Variants in GRM1 observed in about 807,000 individuals in gnomAD.
GRM1 encodes metabotropic glutamate receptor 1.
A neutral mutation model predicts 90.9 loss-of-function variants in GRM1; 33 were observed. The observed-to-expected ratio is 0.36, with a 90% CI of 0.28 to 0.49. GRM1 has a LOEUF of 0.49. Ranked by LOEUF, GRM1 falls within the 20% of genes least tolerant of loss-of-function variation. The pLI, the probability that GRM1 is intolerant of heterozygous loss-of-function variation, is 0.99. For missense variants in GRM1, 1,190 were observed against 1,534.3 expected (o/e 0.78, Z 3.75); for synonymous variants, 700 against 613.2 (o/e 1.14, Z -2.09).
chr6:146,039,886 C>A (rs763043253), intron 1 of GRM1, among the ~76,000 whole-genome samples: 1 of 151,918 alleles, frequency 6.6e-6, no homozygotes, highest in Non-Finnish European at 1.5e-5. Flanking sequence ...AAAGAGAAAT[C>A]GCAGACTGGG....
chr6:146,116,409 A>T (rs1401810827), intron 1 of GRM1, among the ~76,000 whole-genome samples: 1 of 152,218 alleles, frequency 6.6e-6, no homozygotes, highest in Non-Finnish European at 1.5e-5. Context: ...TCATATTAAT[A>T]CATTTTTAAT....
At chr6:146,292,746 C>A (rs1202946003) in intron 2 of GRM1, among the ~76,000 whole-genome samples, 1 of 151,752 alleles carries the variant, frequency 6.6e-6, no homozygotes, top group Non-Finnish European at 1.5e-5. Flanking sequence ...ACCATATGAC[C>A]CAGCATTTTC....
intron 2 of GRM1, among the ~76,000 whole-genome samples, chr6:146,219,088 AT>A (rs1330686440): frequency 6.6e-6 from 1 of 152,136 alleles, no homozygotes; most frequent in African/African-American, 2.4e-5. Context: ...AAAGCTTTAG[AT>A]TTTCTTTGCA....
intron 1 of GRM1, among the ~76,000 whole-genome samples, chr6:146,107,842 A>C (rs1019614507): frequency 6.6e-6 from 1 of 152,048 alleles, no homozygotes; most frequent in Non-Finnish European, 1.5e-5. Context: ...TTCCCTCCTT[A>C]TAGTTCTCTC....
chr6:146,187,231 G>A (rs1222116457), intron 2 of GRM1, among the ~76,000 whole-genome samples: 2 of 151,836 alleles, frequency 1.3e-5, no homozygotes, highest in East Asian at 3.9e-4. Flanking sequence ...ATGTCTGTAG[G>A]GCTAGAATAT....
chr6:146,368,034 A>G (rs1051079417), intron 5 of GRM1, among the ~76,000 whole-genome samples: 3 of 151,792 alleles, frequency 2.0e-5, no homozygotes, highest in African/African-American at 7.3e-5. Flanking sequence ...GTCCTCTTCA[A>G]TTTCTTTCAT....
chr6:146,334,380 G>A (rs1250439096), intron 3 of GRM1, among the ~76,000 whole-genome samples: 1 of 152,106 alleles, frequency 6.6e-6, no homozygotes, highest in African/African-American at 2.4e-5. Context: ...ACTTCTCTGT[G>A]CCTATTTCCT....
chr6:146,425,459 T>C (rs1778162747), intron 7 of GRM1, among the ~76,000 whole-genome samples: 2 of 152,198 alleles, frequency 1.3e-5, no homozygotes, highest in African/African-American at 2.4e-5. Flanking sequence ...GAAAAAGAGA[T>C]AGAAGAGAAG....
intron 1 of GRM1, among the ~76,000 whole-genome samples, chr6:146,098,724 G>A (rs115502874): frequency 3.3e-5 from 5 of 151,694 alleles, no homozygotes; most frequent in Non-Finnish European, 5.9e-5. Context: ...TTTAACCATG[G>A]GGGTGGCTAC....
chr6:146,393,924 C>A (rs1272472277), intron 6 of GRM1, among the ~76,000 whole-genome samples: 1 of 152,066 alleles, frequency 6.6e-6, no homozygotes, highest in African/African-American at 2.4e-5. Context: ...GATATATAGA[C>A]CAATGGAACA....
At chr6:146,391,642 C>T (rs1438412953) in intron 6 of GRM1, among the ~76,000 whole-genome samples, 1 of 151,566 alleles carries the variant, frequency 6.6e-6, no homozygotes, top group Non-Finnish European at 1.5e-5. Flanking sequence ...ACAGCTAATT[C>T]CCTCAAGATG....
intron 1 of GRM1, among the ~76,000 whole-genome samples, chr6:146,078,028 C>T (rs2128861733): frequency 6.6e-6 from 1 of 152,218 alleles, no homozygotes; most frequent in Non-Finnish European, 1.5e-5. Context: ...TGTTTCAGCT[C>T]CTTTGACAAA....
At chr6:146,414,496 G>A (rs1265638554) in intron 7 of GRM1, among the ~76,000 whole-genome samples, 3 of 151,732 alleles carry the variant, frequency 2.0e-5, no homozygotes, top group Admixed American at 6.6e-5. Context: ...CTCCGCCTCC[G>A]GGTTCACGCC....
intron 1 of GRM1, among the ~76,000 whole-genome samples, chr6:146,119,810 T>C (rs1775911397): frequency 6.6e-6 from 1 of 152,212 alleles, no homozygotes; most frequent in Non-Finnish European, 1.5e-5. Flanking sequence ...GTCTCTGTTT[T>C]GGTACCAGTA....
chr6:146,436,557 A>G lies in GRM1; in HGVS notation c.*1761A>G, dbSNP rs1259301982. Reference sequence around the variant, plus strand: ...ATCAATCACATTTTGCCTTCTTTTAATTTTTATGTTCATGGACTTTTATTC... The same window carrying G: ...ATCAATCACATTTTGCCTTCTTTTAGTTTTTATGTTCATGGACTTTTATTC... On this transcript the variant is annotated 3_prime_UTR_variant, in exon 8 of 8. Coordinates refer to ENST00000282753, the MANE Select transcript of GRM1 (RefSeq NM_001278064.2). The G allele has an allele frequency of 6.6e-6, 1 of 152,124 alleles. No individual in the cohort carries two copies. Among genetic ancestry groups the G allele is most frequent in the Non-Finnish European group, 1.5e-5 (1 of 67,992 alleles). 9.4% of individuals were successfully genotyped at this position (152,124 alleles called of 1,614,324 possible).
chr6:146,292,716 A>G (rs985320211), intron 2 of GRM1, among the ~76,000 whole-genome samples: 1 of 151,950 alleles, frequency 6.6e-6, no homozygotes, highest in African/African-American at 2.4e-5. Context: ...GGTAGTTCCA[A>G]AAAAGCTAAA....
chr6:146,284,042 T>C (rs997053553), intron 2 of GRM1, among the ~76,000 whole-genome samples: 6 of 152,200 alleles, frequency 3.9e-5, no homozygotes, highest in African/African-American at 1.4e-4. Flanking sequence ...CTGAGTCTTA[T>C]GGAAATGGGC....
At chr6:146,388,350 G>A (rs947730487) in intron 6 of GRM1, among the ~76,000 whole-genome samples, 3 of 152,048 alleles carry the variant, frequency 2.0e-5, no homozygotes, top group East Asian at 3.9e-4. Flanking sequence ...AAAATCATCC[G>A]TAAATGTAAT....
At position 146,080,840 on chromosome 6, in the gene GRM1, G is replaced by T. The variant is rs117085726; in HGVS notation, c.700+50623G>T. Among the ~76,000 whole-genome samples, 604 of 152,334 alleles carry T rather than the reference G, an allele frequency of 4.0e-3. 18 individuals carry two copies. In the East Asian group the frequency reaches 0.07, roughly 18 times the overall value. ...GGCTTAGATAATTTCATAATTCTCT[G>T]TATCCCCCAAAGGATGGGGACAGCA... On this transcript the variant is annotated intron_variant, in intron 1 of 7. Coordinates refer to ENST00000282753, the MANE Select transcript of GRM1 (RefSeq NM_001278064.2).
Sources: allele counts gnomAD v4.1 joint callset (sites outside exome capture counted in the v4.1 genomes callset), GRCh38; gene constraint gnomAD v4.1.1; transcripts MANE v1.5; gene names NCBI Gene and HGNC (gene_info 2026-07-23, HGNC 2026-07-21).